SSX5: variants seen among roughly 807,000 people sequenced by gnomAD.
SSX5 encodes the protein SSX family member 5, also known as protein SSX5.
Under a neutral mutation model 14.9 loss-of-function variants are expected in SSX5, and 14 were observed. The observed-to-expected ratio is 0.94, with a 90% CI of 0.62 to 1.47. SSX5 has a LOEUF of 1.47. Among genes scored for constraint, SSX5 ranks in the 40% most tolerant of loss-of-function variants. The pLI is 0.00. For missense variants in SSX5, 204 were observed against 154.6 expected (o/e 1.32, Z -1.70); for synonymous variants, 70 against 55.4 (o/e 1.26, Z -1.17).
At chrX:48,190,419 AG>A in intron 5 of SSX5, 151 bp from the exon 6 acceptor site, 1 of 720,808 alleles carries the variant, frequency 1.4e-6, no homozygotes, top group Non-Finnish European at 1.9e-6. Flanking sequence ...GAAACCTGGG[AG>A]GGGAGGTTAG....
chrX:48,190,028 A>C, intron 6 of SSX5, 105 bp downstream of exon 6: 1 of 1,092,344 alleles, frequency 9.2e-7, no homozygotes, highest in Non-Finnish European at 1.2e-6. Flanking sequence ...TCCTCAGCCC[A>C]GCCTGGACCC....
intron 5 of SSX5, among the ~76,000 whole-genome samples, chrX:48,190,937 G>T (rs1223483758): frequency 1.2e-4 from 13 of 107,906 alleles, no homozygotes; most frequent in Non-Finnish European, 1.9e-4. Flanking sequence ...ATGGAGTCTC[G>T]TTCTTTTGCC....
At chrX:48,195,413 A>G (rs1408280182) in intron 1 of SSX5, 35 bp from the exon 2 acceptor site, 2 of 1,169,271 alleles carry the variant, frequency 1.7e-6, no homozygotes, top group Non-Finnish European at 2.3e-6. Context: ...TTCCAGCTGC[A>G]GGACCTTTGG....
At position 48,187,654 on chromosome X, in the gene SSX5, C is replaced by T. The variant is rs782019594; in HGVS notation, c.544G>A (p.Asp182Asn). ...KQLVIYEEIS[D>N]PQEDDE ...AGTTACTCGTCATCTTCCTGAGGGT[C>T]GCTGATCTCTTCATAAATCACCAGT... The change falls in exon 7 of 8, where the codon GAC becomes AAC. Residue 182 changes from aspartate to asparagine, a missense_variant. Coordinates refer to ENST00000347757, the MANE Select transcript of SSX5 (RefSeq NM_175723.2). 1.6e-5 allele frequency: 19 copies of T among 1,209,574 alleles called. No individual in the cohort carries two copies. The highest frequency in any genetic ancestry group is 3.2e-4 in the Middle Eastern group (1 of 3,107).
chrX:48,186,976 C>G, intron 7 of SSX5, 120 bp from the exon 8 acceptor site: 4 of 868,917 alleles, frequency 4.6e-6, no homozygotes, highest in Non-Finnish European at 6.7e-6. Context: ...ACCTCAGGAC[C>G]TGTACACGCC....
intron 7 of SSX5, among the ~76,000 whole-genome samples, chrX:48,187,199 T>C (rs2059401566): frequency 1.8e-5 from 2 of 111,617 alleles, no homozygotes; most frequent in South Asian, 3.8e-4. Context: ...CTCACGCCTG[T>C]AGTCACAACA....
rs1556924492 is a variant in SSX5 at position 48,190,171 on chromosome X, C to T, written c.428G>A (p.Gly143Glu). ...AACCTTCTCAGAGGTATTTAGTTTT[C>T]CTGAGGGGCGCAGCTGTTTCCCATT... ...QNNGKQLRPS[G>E]KLNTSEKVNK... The change falls in exon 6 of 8, where the codon GGA becomes GAA. Residue 143 changes from glycine to glutamate, a missense_variant. By Grantham distance (98) the Gly-to-Glu change is moderately conservative. Transcript: ENST00000347757. 1.7e-6 allele frequency: 2 copies of T among 1,210,368 alleles called. No individual in the cohort carries two copies. The highest frequency in any genetic ancestry group is 3.5e-5 in the South Asian group (2 of 56,783).
At chrX:48,193,217 C>T (rs1251593608) in intron 4 of SSX5, among the ~76,000 whole-genome samples, 1 of 110,319 alleles carries the variant, frequency 9.1e-6, no homozygotes, top group African/African-American at 3.3e-5. Flanking sequence ...ATGAAACAAA[C>T]TCTGGAAGTT....
intron 4 of SSX5, among the ~76,000 whole-genome samples, chrX:48,192,536 A>G (rs1260597622): frequency 1.8e-5 from 2 of 112,445 alleles, no homozygotes; most frequent in Non-Finnish European, 3.8e-5. Flanking sequence ...TTTCCATTAC[A>G]TATCTTTTAC....
At chrX:48,194,391 G>T (rs1313805498) in intron 3 of SSX5, among the ~76,000 whole-genome samples, 167 bp from the exon 4 acceptor site, 1 of 94,445 alleles carries the variant, frequency 1.1e-5, no homozygotes, top group Non-Finnish European at 2.1e-5. Flanking sequence ...TCTAGCCTAG[G>T]TGACAGACTG....
At chrX:48,191,185 G>A (rs1220385167) in intron 5 of SSX5, among the ~76,000 whole-genome samples, 4 of 111,008 alleles carry the variant, frequency 3.6e-5, no homozygotes, top group Non-Finnish European at 7.5e-5. Flanking sequence ...TTACAGTCGT[G>A]AGCCACCACG....
intron 1 of SSX5, among the ~76,000 whole-genome samples, chrX:48,195,580 T>A (rs782392517): frequency 7.8e-4 from 87 of 111,868 alleles, no homozygotes; most frequent in African/African-American, 2.7e-3. Flanking sequence ...GAAGTATTGA[T>A]TGGGGATGAC....
chrX:48,187,078 C>G (rs1310563191), intron 7 of SSX5, among the ~76,000 whole-genome samples: 1 of 111,511 alleles, frequency 9.0e-6, no homozygotes, highest in African/African-American at 3.3e-5. Flanking sequence ...AGGTGTGGCC[C>G]GCATATCAGT....
chrX:48,187,047 A>T (rs1423991679), intron 7 of SSX5, among the ~76,000 whole-genome samples, 191 bp from the exon 8 acceptor site: 1 of 111,752 alleles, frequency 8.9e-6, no homozygotes, highest in African/African-American at 3.2e-5. Context: ...CGCCTGGGTT[A>T]TCAATTCCTA....
intron 2 of SSX5, 98 bp downstream of exon 2, chrX:48,195,192 G>C (rs1752945897): frequency 4.1e-6 from 5 of 1,206,627 alleles, no homozygotes; most frequent in South Asian, 3.5e-5. Flanking sequence ...GGAGACCCTG[G>C]TCCTTGTCCC....
At chrX:48,194,320 T>TG (rs1556925395) in intron 3 of SSX5, 96 bp from the exon 4 acceptor site, 2 of 958,170 alleles carry the variant, frequency 2.1e-6, no homozygotes, top group Non-Finnish European at 3.0e-6. Flanking sequence ...AGGCTGAAGC[T>TG]GGAGGATTGC....
intron 4 of SSX5, 65 bp from the exon 5 acceptor site, chrX:48,192,346 A>G (rs782211865): frequency 8.4e-7 from 1 of 1,189,083 alleles, no homozygotes; most frequent in Non-Finnish European, 1.1e-6. Context: ...GAGAGACTTC[A>G]GTTGCATGAG....
rs138476997 is a variant in SSX5, at chrX:48,186,852, C to G, written c.*9G>C. 147 of 1,196,222 alleles carry G rather than the reference C, an allele frequency of 1.2e-4. No individual in the cohort carries two copies. In the African/African-American group the frequency reaches 2.1e-3, roughly 17 times the overall value. The stretch of plus-strand genomic sequence containing the variant: ...TCATCATGGGCATGTGTCATATCCC[C>G]GAGGCTGAGGCAAGAAGCGAGAAGG... On this transcript the variant is annotated 3_prime_UTR_variant, in exon 8 of 8. Coordinates refer to ENST00000347757, the MANE Select transcript of SSX5 (RefSeq NM_175723.2).
At position 48,194,854 on chromosome X, in the gene SSX5, CCT is replaced by C; in HGVS notation, c.70-2_70-1del. The C allele has an allele frequency of 8.4e-7, 1 of 1,197,587 alleles. No homozygotes were observed. Among genetic ancestry groups the C allele is most frequent in the Admixed American group, 2.4e-5 (1 of 42,355 alleles). ...AAGTATTTGGCAATATCATCGAAGG[CCT>C]AGAAAAAAAAAAAGGATTTCTGATA... is the stretch of plus-strand genomic sequence containing the variant. On this transcript the variant is annotated splice_acceptor_variant, in intron 2 of 7. Transcript: ENST00000347757. LOFTEE classifies it high-confidence loss of function.
Sources: gnomAD v4.1 joint callset for allele counts (sites outside exome capture counted in the v4.1 genomes callset) on GRCh38, gnomAD v4.1.1 for gene constraint, MANE v1.5 for transcripts, NCBI Gene and HGNC (gene_info 2026-07-23, HGNC 2026-07-21) for gene names.